Variants in GNA12 observed in about 807,000 individuals in gnomAD.
GNA12 encodes the protein guanine nucleotide-binding protein subunit alpha-12.
A neutral mutation model predicts 26.0 loss-of-function variants in GNA12; 9 were observed. That is an observed-to-expected ratio of 0.35 (90% CI 0.21 to 0.60). The LOEUF (loss-of-function observed/expected upper bound fraction) is 0.60, where lower values mean the gene tolerates loss of function less well. GNA12 is among the 20% of genes least tolerant of loss of function. GNA12 has a pLI of 0.78. For missense variants in GNA12, 405 were observed against 525.8 expected, an observed-to-expected ratio of 0.77 and a Z score of 2.25; for synonymous variants, 264 against 219.6, an observed-to-expected ratio of 1.20 and a Z score of -1.79.
At chr7:2,751,737 T>C (rs1378344627) in intron 2 of GNA12, among the ~76,000 whole-genome samples, 2 of 152,202 alleles carry the variant, frequency 1.3e-5, no homozygotes, top group African/African-American at 2.4e-5. Context: ...CAAACAACTT[T>C]ATGCTAACAG....
intron 1 of GNA12, among the ~76,000 whole-genome samples, chr7:2,837,569 A>C (rs560354644): frequency 2.6e-5 from 4 of 152,332 alleles, no homozygotes; most frequent in Admixed American, 2.6e-4. Flanking sequence ...ACTAAACATA[A>C]AACTCTTCAA....
intron 2 of GNA12, among the ~76,000 whole-genome samples, chr7:2,736,175 C>G (rs955174610): frequency 1.3e-5 from 2 of 152,166 alleles, no homozygotes. Flanking sequence ...GTGGCAGAAA[C>G]TGAGATGTCC....
intron 2 of GNA12, among the ~76,000 whole-genome samples, chr7:2,745,529 T>C (rs138754602): frequency 2.6e-5 from 4 of 152,050 alleles, no homozygotes; most frequent in Admixed American, 6.6e-5. Flanking sequence ...GTGCTAAACA[T>C]GGAAAGGAGC....
intron 2 of GNA12, among the ~76,000 whole-genome samples, chr7:2,737,263 AGTTTTGTTTT>A (rs569069278): frequency 1.3e-5 from 1 of 79,590 alleles, no homozygotes; most frequent in Non-Finnish European, 2.7e-5. Context: ...GCTATCTCAC[AGTTTTGTTTT>A]GTTTTTTTTT....
At chr7:2,735,010 G>A in intron 2 of GNA12, among the ~76,000 whole-genome samples, 1 of 152,174 alleles carries the variant, frequency 6.6e-6, no homozygotes, top group Non-Finnish European at 1.5e-5. Flanking sequence ...CGGTGGGGCA[G>A]CCGCCTTCCC....
intron 1 of GNA12, among the ~76,000 whole-genome samples, chr7:2,843,283 G>GC (rs1353096834): frequency 2.0e-5 from 3 of 152,120 alleles, no homozygotes; most frequent in Non-Finnish European, 4.4e-5. Flanking sequence ...TAAGTGCCAA[G>GC]CCCCCACTCC....
intron 1 of GNA12, among the ~76,000 whole-genome samples, chr7:2,813,978 GGGA>G (rs1793148667): frequency 6.6e-6 from 1 of 152,138 alleles, no homozygotes; most frequent in Non-Finnish European, 1.5e-5. Context: ...AGACGGCAGA[GGGA>G]GGAGGAGTTC....
intron 1 of GNA12, among the ~76,000 whole-genome samples, chr7:2,798,959 G>C (rs1318345142): frequency 2.0e-5 from 3 of 152,008 alleles, no homozygotes; most frequent in Admixed American, 6.6e-5. Context: ...AAAATTGGGG[G>C]GAGCGGGGGA....
At chr7:2,822,580 AGCCCAGG>A (rs1793392445) in intron 1 of GNA12, among the ~76,000 whole-genome samples, 2 of 152,196 alleles carry the variant, frequency 1.3e-5, no homozygotes, top group South Asian at 4.1e-4. Flanking sequence ...AAGGACTGCA[AGCCCAGG>A]GCAGGAGGAC....
intron 2 of GNA12, among the ~76,000 whole-genome samples, chr7:2,791,475 G>C (rs987616766): frequency 6.6e-6 from 1 of 152,096 alleles, no homozygotes; most frequent in Non-Finnish European, 1.5e-5. Flanking sequence ...ACCAGACACA[G>C]CCTTTTTTCC....
chr7:2,742,695 C>A (rs775353585), intron 2 of GNA12, among the ~76,000 whole-genome samples: 1 of 152,210 alleles, frequency 6.6e-6, no homozygotes, highest in African/African-American at 2.4e-5. Flanking sequence ...TGAATGAGGC[C>A]TTTAATTCCT....
At chr7:2,783,842 G>A (rs2644294) in intron 2 of GNA12, among the ~76,000 whole-genome samples, 35,514 of 151,678 alleles carry the variant, frequency 0.23, 4,875 homozygotes, top group Non-Finnish European at 0.29. Flanking sequence ...CCACCACCAT[G>A]TCTGGCTTAT....
intron 2 of GNA12, among the ~76,000 whole-genome samples, chr7:2,748,676 A>G (rs1678522584): frequency 1.3e-5 from 2 of 152,312 alleles, no homozygotes; most frequent in Admixed American, 1.3e-4. Context: ...TAATTAAACT[A>G]AAGAGTTTCT....
chr7:2,751,025 A>G lies in GNA12; in HGVS notation c.526-17524T>C, dbSNP rs373366675. The stretch of plus-strand genomic sequence containing the variant: ...GTATTTTGAACTTCAAGACAATGTT[A>G]AAATATCAACACTTTTATCTTGAGA... On this transcript the variant is annotated intron_variant, in intron 2 of 3. Transcript: ENST00000275364. Among the ~76,000 whole-genome samples the G allele has an allele frequency of 7.9e-5, 12 of 152,308 alleles. No homozygotes were observed. In the East Asian group the frequency reaches 1.9e-3, roughly 24 times the overall value.
At chr7:2,747,909 A>G (rs1790846760) in intron 2 of GNA12, among the ~76,000 whole-genome samples, 1 of 152,040 alleles carries the variant, frequency 6.6e-6, no homozygotes, top group Non-Finnish European at 1.5e-5. Flanking sequence ...CCCATTCACA[A>G]TTGCTTCAAA....
chr7:2,745,327 G>GA (rs1345975916), intron 2 of GNA12, among the ~76,000 whole-genome samples: 11 of 152,230 alleles, frequency 7.2e-5, no homozygotes, highest in Non-Finnish European at 1.0e-4. Flanking sequence ...TCTCTTGGCA[G>GA]AAACTCTGCA....
intron 1 of GNA12, among the ~76,000 whole-genome samples, chr7:2,825,873 G>A (rs1376643480): frequency 1.3e-5 from 2 of 151,846 alleles, no homozygotes; most frequent in Non-Finnish European, 2.9e-5. Context: ...ACCACCCAGG[G>A]GACAACCAGC....
At chr7:2,783,236 G>T (rs78095400) in intron 2 of GNA12, among the ~76,000 whole-genome samples, 2,915 of 152,272 alleles carry the variant, frequency 0.019, 55 homozygotes, top group Middle Eastern at 0.075. Flanking sequence ...TCTTTCCAGA[G>T]AAAGTTGGCT....
chr7:2,736,679 T>C (rs1055496757), intron 2 of GNA12, among the ~76,000 whole-genome samples: 1 of 152,226 alleles, frequency 6.6e-6, no homozygotes, highest in Non-Finnish European at 1.5e-5. Context: ...TGCAGAGGCC[T>C]GCAGCCTTCA....
Sources: allele counts gnomAD v4.1 joint callset (sites outside exome capture counted in the v4.1 genomes callset), GRCh38; gene constraint gnomAD v4.1.1; transcripts MANE v1.5; gene names NCBI Gene and HGNC (gene_info 2026-07-23, HGNC 2026-07-21).